The following ME3 variants were observed in gnomAD, a reference collection of about 807,000 sequenced individuals.
The protein encoded by ME3 is malic enzyme 3.
Under a neutral mutation model 68.9 loss-of-function variants are expected in ME3, and 48 were observed. The ratio of observed to expected loss-of-function variants is 0.70; its 90% confidence interval spans 0.55 to 0.89. ME3 has a LOEUF of 0.89. Among genes scored for constraint, ME3 ranks in the 40% least tolerant of loss-of-function variants. The probability of loss-of-function intolerance (pLI) is 0.00; values close to 1 mark genes in which losing one functional copy is unlikely to be tolerated. For synonymous variants in ME3, 320 were observed against 318.8 expected (o/e 1.00, Z -0.04); for missense variants, 675 against 797.4 (o/e 0.85, Z 1.85).
At chr11:86,642,245 G>A (rs777794134) in intron 2 of ME3, among the ~76,000 whole-genome samples, 4 of 152,110 alleles carry the variant, frequency 2.6e-5, no homozygotes, top group Non-Finnish European at 4.4e-5. Flanking sequence ...GGAAATTATC[G>A]GTTTTCCATG....
At chr11:86,541,035 G>T (rs1266131862) in intron 4 of ME3, among the ~76,000 whole-genome samples, 8 of 152,290 alleles carry the variant, frequency 5.3e-5, no homozygotes, top group African/African-American at 1.9e-4. Context: ...AAGTGCAAGG[G>T]GTCAGGGAAC....
chr11:86,599,930 A>C (rs182639759), intron 2 of ME3, among the ~76,000 whole-genome samples: 5,474 of 152,290 alleles, frequency 0.036, 130 homozygotes, highest in Non-Finnish European at 0.054. Flanking sequence ...GCCTGCCCTA[A>C]AAGAGCTCCT....
intron 2 of ME3, among the ~76,000 whole-genome samples, chr11:86,602,895 A>G (rs1185637977): frequency 2.6e-5 from 4 of 152,246 alleles, no homozygotes; most frequent in Non-Finnish European, 4.4e-5. Context: ...CTGGCTAGCC[A>G]TATGTAGAAA....
chr11:86,671,336 C>A (rs577907795), intron 2 of ME3, among the ~76,000 whole-genome samples: 1 of 152,286 alleles, frequency 6.6e-6, no homozygotes, highest in South Asian at 2.1e-4. Context: ...CTAACGTACC[C>A]CCATTTTCTA....
intron 14 of ME3, 117 bp from the exon 15 acceptor site, chr11:86,441,557 C>A: frequency 1.0e-6 from 1 of 1,004,366 alleles, no homozygotes; most frequent in South Asian, 2.2e-5. Context: ...TTGTTTCTTT[C>A]ATGAGTATGG....
intron 4 of ME3, among the ~76,000 whole-genome samples, chr11:86,538,999 C>A (rs551541479): frequency 1.3e-5 from 2 of 152,292 alleles, no homozygotes; most frequent in Admixed American, 6.5e-5. Context: ...TAATCACTGA[C>A]AAGGAACCAC....
intron 7 of ME3, among the ~76,000 whole-genome samples, chr11:86,486,644 G>T (rs1287029087): frequency 6.6e-6 from 1 of 152,248 alleles, no homozygotes; most frequent in Non-Finnish European, 1.5e-5. Context: ...TGTCTTCAGA[G>T]GCCCACTGAG....
intron 4 of ME3, among the ~76,000 whole-genome samples, chr11:86,509,855 C>T (rs566930281): frequency 2.4e-4 from 37 of 151,656 alleles, no homozygotes; most frequent in African/African-American, 8.7e-4. Flanking sequence ...AATTTGAGTC[C>T]AGCCAAATCA....
chr11:86,574,745 T>C (rs1363606767), intron 2 of ME3, among the ~76,000 whole-genome samples: 1 of 152,220 alleles, frequency 6.6e-6, no homozygotes, highest in African/African-American at 2.4e-5. Flanking sequence ...AGGCTTCCTC[T>C]TGTAATCTGA....
intron 2 of ME3, among the ~76,000 whole-genome samples, chr11:86,622,306 T>G (rs888734726): frequency 1.3e-5 from 2 of 151,966 alleles, no homozygotes; most frequent in Non-Finnish European, 2.9e-5. Flanking sequence ...TCCCTATCAA[T>G]GGGAGTCATT....
At chr11:86,556,063 G>A (rs762391038) in intron 4 of ME3, among the ~76,000 whole-genome samples, 19 of 152,172 alleles carry the variant, frequency 1.2e-4, no homozygotes, top group Non-Finnish European at 2.5e-4. Context: ...AAAATGGAGT[G>A]CCAAAGTTTT....
chr11:86,579,477 C>T (rs965848963), intron 2 of ME3, among the ~76,000 whole-genome samples: 37 of 152,160 alleles, frequency 2.4e-4, no homozygotes. Flanking sequence ...GACTGAAGAT[C>T]ATAATAGCCA....
At chr11:86,492,377 C>T (rs1055743039) in intron 6 of ME3, among the ~76,000 whole-genome samples, 1 of 152,190 alleles carries the variant, frequency 6.6e-6, no homozygotes, top group Non-Finnish European at 1.5e-5. Context: ...GTTCTGCTTC[C>T]TCCAAATGAG....
intron 4 of ME3, 135 bp from the exon 5 acceptor site, chr11:86,509,002 C>A: frequency 2.9e-6 from 2 of 693,904 alleles, no homozygotes; most frequent in South Asian, 1.8e-5. Context: ...TGCCCGAGGC[C>A]CCAGCAGTTT....
rs1226512234 is a variant in ME3, at chr11:86,521,404, C to CAAACA, written c.468-12542_468-12538dup. ...AGCGAGACTCCATCTCAAAAACAAA[C>CAAACA]AAACAAAACAAAACAAAACAAAACA... On this transcript the variant is annotated intron_variant, in intron 4 of 14. Coordinates refer to ENST00000543262, the Ensembl canonical transcript of ME3. Among the ~76,000 whole-genome samples the CAAACA allele has an allele frequency of 3.3e-3, 366 of 109,754 alleles. 7 individuals are homozygous for CAAACA. Among genetic ancestry groups the CAAACA allele is most frequent in the African/African-American group, 0.013 (332 of 25,212 alleles). The allele number at this position is 109,754 out of a possible 152,430, so 72.0% of individuals were successfully genotyped here.
chr11:86,670,655 C>T (rs1286100447), intron 2 of ME3, among the ~76,000 whole-genome samples: 1 of 152,032 alleles, frequency 6.6e-6, no homozygotes, highest in African/African-American at 2.4e-5. Context: ...CTGTAGGAAA[C>T]AGTCACAATA....
At chr11:86,663,432 A>C (rs115780829) in intron 2 of ME3, among the ~76,000 whole-genome samples, 1,872 of 152,274 alleles carry the variant, frequency 0.012, 44 homozygotes, top group African/African-American at 0.042. Context: ...ACCTCGGCAC[A>C]CCCAACTGTA....
chr11:86,464,509 T>C (rs1326755738), intron 8 of ME3, among the ~76,000 whole-genome samples: 1 of 152,236 alleles, frequency 6.6e-6, no homozygotes, highest in African/African-American at 2.4e-5. Context: ...AGTGTCTCTC[T>C]CAGGGTCATT....
At chr11:86,470,700 C>G (rs770569299) in intron 7 of ME3, among the ~76,000 whole-genome samples, 2 of 152,196 alleles carry the variant, frequency 1.3e-5, no homozygotes, top group Admixed American at 6.5e-5. Context: ...CATGGCTCTG[C>G]AGGAAGAACT....
Sources: allele counts gnomAD v4.1 joint callset (sites outside exome capture counted in the v4.1 genomes callset), GRCh38; gene constraint gnomAD v4.1.1; transcripts MANE v1.5; gene names NCBI Gene and HGNC (gene_info 2026-07-23, HGNC 2026-07-21).